GALNT14: variants seen among roughly 807,000 people sequenced by gnomAD.
GALNT14 encodes the protein polypeptide N-acetylgalactosaminyltransferase 14.
A neutral mutation model predicts 77.5 loss-of-function variants in GALNT14; 60 were observed. That is an observed-to-expected ratio of 0.77 (90% CI 0.63 to 0.96). The LOEUF is 0.96. Among genes scored for constraint, GALNT14 ranks in the 40% least tolerant of loss-of-function variants. The pLI, the probability that GALNT14 is intolerant of heterozygous loss-of-function variation, is 0.00. For synonymous variants in GALNT14, 280 were observed against 281.7 expected (o/e 0.99, Z 0.06); for missense variants, 710 against 731.0 (o/e 0.97, Z 0.33).
Position 30,932,068 on chromosome 2 carries a change from T to C in GALNT14, c.1058A>G (p.Lys353Arg). The change falls in exon 10 of 15, where the codon AAG becomes AGG. Residue 353 changes from lysine (K) to arginine (R), a missense_variant and splice_region_variant. Lys to Arg is a conservative substitution (Grantham distance 26). Coordinates refer to ENST00000349752, the MANE Select transcript of GALNT14 (RefSeq NM_024572.4). The part of the protein sequence containing the change: ...FPDGNANTYI[K>R]NTKRTAEVWM... ...CCGCGCTGAGCCCCTGGGCACTTAC[T>C]TTATATACGTGTTGGCATTTCCATC... 6.5e-7 allele frequency: 1 copy of C among 1,541,358 alleles called. No individual in the cohort carries two copies. The highest frequency in any genetic ancestry group is 8.7e-7 in the Non-Finnish European group (1 of 1,143,286).
At chr2:30,904,214 T>C in the GALNT14 span, among the ~76,000 whole-genome samples, 6 of 152,166 alleles carry the variant, frequency 3.9e-5, no homozygotes, top group African/African-American at 1.2e-4. Flanking sequence ...GGAGCCAAGA[T>C]GGCCGAATAG....
At chr2:31,129,600 T>C (rs887782748) in intron 1 of GALNT14, 68 of 985,210 alleles carry the variant, frequency 6.9e-5, no homozygotes, top group Non-Finnish European at 7.8e-5. Context: ...AAGCCTGAAA[T>C]ACAGGCACCA....
At chr2:31,123,750 A>G (rs549723582) in intron 1 of GALNT14, among the ~76,000 whole-genome samples, 3 of 152,340 alleles carry the variant, frequency 2.0e-5, no homozygotes, top group African/African-American at 4.8e-5. Context: ...TCAACCATGC[A>G]GAACAACGCC....
chr2:30,890,454 G>C, the GALNT14 span, among the ~76,000 whole-genome samples: 1 of 152,248 alleles, frequency 6.6e-6, no homozygotes, highest in Admixed American at 6.5e-5. Context: ...CCCTTGTAGG[G>C]TTGTTGAAAA....
chr2:31,119,771 AGAGAT>A (rs1678300160), intron 1 of GALNT14, among the ~76,000 whole-genome samples: 2 of 152,248 alleles, frequency 1.3e-5, no homozygotes, highest in Non-Finnish European at 2.9e-5. Flanking sequence ...TGTAGCAACA[AGAGAT>A]GAGAGATAAA....
chr2:31,019,528 G>T (rs147636051), intron 1 of GALNT14, among the ~76,000 whole-genome samples: 12 of 152,180 alleles, frequency 7.9e-5, no homozygotes, highest in Non-Finnish European at 1.3e-4. Flanking sequence ...AGAAGAACAC[G>T]GGTCCACCAC....
At chr2:30,970,536 A>G (rs1483658697) in intron 2 of GALNT14, among the ~76,000 whole-genome samples, 3 of 152,150 alleles carry the variant, frequency 2.0e-5, no homozygotes, top group Admixed American at 2.0e-4. Flanking sequence ...GGTTCAGCTC[A>G]TCGACTAGAA....
intron 1 of GALNT14, chr2:31,078,823 G>A (rs1389059539): frequency 1.1e-6 from 1 of 901,952 alleles, no homozygotes; most frequent in Non-Finnish European, 1.5e-6. Context: ...GAAGGCAAGG[G>A]GCGAGATATA....
In GALNT14 at chr2:31,003,122, G is replaced by T. The variant is rs190560031; in HGVS notation, c.130-10115C>A. ...ACTTGGCTTTCTATTTATCTTCTGTGGGGGTTTCTCTCCTTCTCTTTAGTA... is the reference window on the plus strand; with the variant it reads ...ACTTGGCTTTCTATTTATCTTCTGTTGGGGTTTCTCTCCTTCTCTTTAGTA... On this transcript the variant is annotated intron_variant, in intron 1 of 14. Transcript: ENST00000349752. Among the ~76,000 whole-genome samples the T allele has an allele frequency of 3.3e-3, 508 of 152,204 alleles. 3 individuals are homozygous for T. Among genetic ancestry groups the T allele is most frequent in the African/African-American group, 0.012 (485 of 41,534 alleles).
At position 30,966,317 on chromosome 2, in the gene GALNT14, G is replaced by C; in HGVS notation, c.300-15C>G. ...GCAGTGTGCATCTGGGGAAGGAAAGGCACAGGGCAAGTGAGACCTTCAGGG... is the reference window on the plus strand; with the variant it reads ...GCAGTGTGCATCTGGGGAAGGAAAGCCACAGGGCAAGTGAGACCTTCAGGG... On this transcript the variant is annotated splice_polypyrimidine_tract_variant and intron_variant, in intron 2 of 14. Transcript: ENST00000349752. 1 of 1,591,862 alleles carries C rather than the reference G, an allele frequency of 6.3e-7. No homozygotes were observed. Among genetic ancestry groups the C allele is most frequent in the Non-Finnish European group, 8.6e-7 (1 of 1,159,960 alleles).
chr2:31,012,187 G>A (rs13010939), intron 1 of GALNT14, among the ~76,000 whole-genome samples: 38,562 of 151,826 alleles, frequency 0.25, 5,041 homozygotes, highest in East Asian at 0.39. Flanking sequence ...TCTAAGACAC[G>A]GTTGGATCCC....
At chr2:31,000,139 C>T (rs1670276124) in intron 1 of GALNT14, among the ~76,000 whole-genome samples, 1 of 152,078 alleles carries the variant, frequency 6.6e-6, no homozygotes, top group African/African-American at 2.4e-5. Flanking sequence ...CCTATCTCAC[C>T]CAAGCGGCTG....
In GALNT14 at chr2:31,137,996, A is replaced by G. The variant is rs754542971; in HGVS notation, c.91T>C (p.Leu31=). Residue 31 remains leucine (L), a synonymous_variant, in exon 1 of 15, where the codon TTG becomes CTG. Coordinates refer to ENST00000349752, the MANE Select transcript of GALNT14 (RefSeq NM_024572.4). ...LLFFWVTKRK[L]EVPTGPEVQT... ...ACTTCAGGTCCCGTCGGCACCTCCA[A>G]CTTCCTCTTGGTTACCCAGAAGAAC... 40 of 1,613,460 alleles carry G rather than the reference A, an allele frequency of 2.5e-5. 1 individual carries two copies. In the South Asian group the frequency reaches 2.6e-4, roughly 11 times the overall value.
At chr2:30,917,822 A>C (rs1242923191) in intron 13 of GALNT14, among the ~76,000 whole-genome samples, 2 of 152,226 alleles carry the variant, frequency 1.3e-5, no homozygotes, top group African/African-American at 4.8e-5. Flanking sequence ...GACCTGAGCC[A>C]AGTATCCAGG....
At chr2:31,105,262 A>G (rs187584573) in intron 1 of GALNT14, among the ~76,000 whole-genome samples, 308 of 152,268 alleles carry the variant, frequency 2.0e-3, no homozygotes, top group African/African-American at 5.9e-3. Flanking sequence ...ATTGTTCTCA[A>G]TTGGTCAGTG....
chr2:31,079,814 CAG>C (rs1409279555), intron 1 of GALNT14, among the ~76,000 whole-genome samples: 1 of 152,016 alleles, frequency 6.6e-6, no homozygotes, highest in Non-Finnish European at 1.5e-5. Context: ...CCATTCTGGG[CAG>C]AGTGTGGCTC....
chr2:30,934,951 T>C (rs958074663), intron 9 of GALNT14, among the ~76,000 whole-genome samples: 1 of 152,212 alleles, frequency 6.6e-6, no homozygotes, highest in Non-Finnish European at 1.5e-5. Flanking sequence ...CCTCAGCATC[T>C]TCCTACAGCC....
intron 9 of GALNT14, among the ~76,000 whole-genome samples, chr2:30,941,221 C>T (rs1397469559): frequency 1.3e-5 from 2 of 152,136 alleles, no homozygotes; most frequent in African/African-American, 4.8e-5. Flanking sequence ...TGGGAGGCTC[C>T]CTTTTACTCT....
intron 1 of GALNT14, among the ~76,000 whole-genome samples, chr2:31,089,511 C>A (rs73921466): frequency 2.0e-5 from 3 of 152,108 alleles, no homozygotes; most frequent in African/African-American, 7.2e-5. Flanking sequence ...TTTCTGGAGA[C>A]GGACACGTTT....
Sources: allele counts gnomAD v4.1 joint callset (sites outside exome capture counted in the v4.1 genomes callset), GRCh38; gene constraint gnomAD v4.1.1; transcripts MANE v1.5; gene names NCBI Gene and HGNC (gene_info 2026-07-23, HGNC 2026-07-21).